Variants in ACAP2 observed in about 807,000 individuals in gnomAD.
ACAP2 encodes the protein ArfGAP with coiled-coil, ankyrin repeat and PH domains 2.
In ACAP2, 39 loss-of-function variants were observed where a neutral mutation model predicts 115.8. The ratio of observed to expected loss-of-function variants is 0.34; its 90% confidence interval spans 0.26 to 0.44. The LOEUF (loss-of-function observed/expected upper bound fraction) is 0.44, where lower values mean the gene tolerates loss of function less well. ACAP2 is among the 20% of genes least tolerant of loss of function. ACAP2 has a pLI of 1.00. For synonymous variants in ACAP2, 289 were observed against 315.8 expected, an observed-to-expected ratio of 0.92 and a Z score of 0.90; for missense variants, 662 against 927.6, an observed-to-expected ratio of 0.71 and a Z score of 3.72.
At chr3:195,279,688 G>C (rs1356123103) in intron 22 of ACAP2, 5 of 270,072 alleles carry the variant, frequency 1.9e-5, no homozygotes, top group Non-Finnish European at 3.4e-5. Context: ...AAAGATGCAA[G>C]TGTTTTAAAG....
In ACAP2 at chr3:195,364,330, T is replaced by A. The variant is rs562121347; in HGVS notation, c.285+16679A>T. Among the ~76,000 whole-genome samples the A allele has an allele frequency of 7.6e-4, 116 of 152,292 alleles. No homozygotes were observed. The South Asian group carries it at 0.012, about 15-fold the overall frequency. ...AAGACATACAAATGGCCAACAGGCA[T>A]ATGAAAAGGCACCCAACATCAATGA... On this transcript the variant is annotated intron_variant, in intron 4 of 22. Transcript: ENST00000326793.
chr3:195,391,298 C>T (rs1734661457), intron 2 of ACAP2, among the ~76,000 whole-genome samples: 1 of 146,358 alleles, frequency 6.8e-6, no homozygotes, highest in South Asian at 2.1e-4. Flanking sequence ...GGCACGATCT[C>T]AGCTCACAGC....
intron 9 of ACAP2, among the ~76,000 whole-genome samples, chr3:195,324,090 A>T (rs953332114): frequency 2.0e-5 from 3 of 152,192 alleles, no homozygotes; most frequent in Non-Finnish European, 2.9e-5. Context: ...AAATAAAAAA[A>T]TTTTTAAAAG....
intron 1 of ACAP2, among the ~76,000 whole-genome samples, chr3:195,423,342 G>A (rs777730550): frequency 6.6e-6 from 1 of 152,132 alleles, no homozygotes; most frequent in Non-Finnish European, 1.5e-5. Flanking sequence ...AAGTATTTCG[G>A]CCGGGCATGG....
At chr3:195,290,344 C>T (rs570164253) in intron 20 of ACAP2, among the ~76,000 whole-genome samples, 2 of 151,996 alleles carry the variant, frequency 1.3e-5, no homozygotes, top group South Asian at 4.2e-4. Context: ...AGTCACCACA[C>T]TCCAACGTGA....
intron 1 of ACAP2, among the ~76,000 whole-genome samples, chr3:195,425,288 A>G (rs1714598436): frequency 6.6e-6 from 1 of 152,178 alleles, no homozygotes; most frequent in African/African-American, 2.4e-5. Flanking sequence ...ACTACATTGT[A>G]AAAGGAAATT....
In ACAP2 at chr3:195,354,435, G is replaced by C. The variant is rs531001176; in HGVS notation, c.286-9118C>G. Among the ~76,000 whole-genome samples, 10 of 152,318 alleles carry C rather than the reference G, an allele frequency of 6.6e-5. No individual in the cohort carries two copies. The South Asian group carries it at 2.1e-3, about 32-fold the overall frequency. ...GATTTGCACTTCTCCAATGATCAGT[G>C]ATGTTGAGCTTTTTTTATATGAGTG... On this transcript the variant is annotated intron_variant, in intron 4 of 22. Transcript: ENST00000326793.
chr3:195,294,750 G>A lies in ACAP2; in HGVS notation c.1734C>T (p.Ser578=). The A allele has an allele frequency of 1.2e-6, 2 of 1,609,366 alleles. No homozygotes were observed. Among genetic ancestry groups the A allele is most frequent in the Non-Finnish European group, 1.7e-6 (2 of 1,176,974 alleles). ...CATATAAACTATTGGCTGACACCGT[G>A]GAGGGTAAAGATTCTCTTCCATCAT... The part of the protein sequence containing the change: ...SSDDGRESLP[S]TVSANSLYEP... Residue 578 remains serine (S), a synonymous_variant, in exon 18 of 23, where the codon TCC becomes TCT. Coordinates refer to ENST00000326793, the MANE Select transcript of ACAP2 (RefSeq NM_012287.6).
intron 1 of ACAP2, among the ~76,000 whole-genome samples, chr3:195,425,428 G>A (rs1714611712): frequency 6.6e-6 from 1 of 152,132 alleles, no homozygotes; most frequent in South Asian, 2.1e-4. Context: ...ACTATTTTAA[G>A]AAAGTACTTA....
intron 1 of ACAP2, among the ~76,000 whole-genome samples, chr3:195,400,029 T>C (rs955643358): frequency 6.6e-6 from 1 of 151,366 alleles, no homozygotes; most frequent in African/African-American, 2.4e-5. Context: ...AAATACAAAA[T>C]TAGCCGGGTA....
intron 4 of ACAP2, among the ~76,000 whole-genome samples, chr3:195,347,874 T>C (rs1731285067): frequency 1.3e-5 from 2 of 152,054 alleles, no homozygotes. Flanking sequence ...GAGCCAAGCA[T>C]GGTGGCACAC....
intron 13 of ACAP2, among the ~76,000 whole-genome samples, chr3:195,303,447 C>A (rs1728203183): frequency 6.7e-6 from 1 of 150,244 alleles, no homozygotes; most frequent in African/African-American, 2.5e-5. Flanking sequence ...ATTAGCTAGG[C>A]ATGGTGGTGC....
intron 1 of ACAP2, among the ~76,000 whole-genome samples, chr3:195,398,396 G>A (rs1471817084): frequency 6.6e-6 from 1 of 152,098 alleles, no homozygotes; most frequent in Non-Finnish European, 1.5e-5. Context: ...TGTAATCCCA[G>A]CACTTTGGGA....
At chr3:195,425,331 T>C (rs1201903224) in intron 1 of ACAP2, among the ~76,000 whole-genome samples, 1 of 152,220 alleles carries the variant, frequency 6.6e-6, no homozygotes, top group East Asian at 1.9e-4. Context: ...ATATTACTTA[T>C]CGTTTTGCAA....
At chr3:195,352,911 A>G (rs1577344728) in intron 4 of ACAP2, among the ~76,000 whole-genome samples, 1 of 151,704 alleles carries the variant, frequency 6.6e-6, no homozygotes, top group Admixed American at 6.6e-5. Flanking sequence ...TGAAACCCCA[A>G]CTCTACTAAA....
intron 14 of ACAP2, 98 bp from the exon 15 acceptor site, chr3:195,301,742 G>T: frequency 1.6e-6 from 2 of 1,229,874 alleles, no homozygotes; most frequent in African/African-American, 1.5e-5. Context: ...TAAAGCCCTC[G>T]GCATACACAT....
At chr3:195,288,685 C>T (rs1178488473) in intron 21 of ACAP2, among the ~76,000 whole-genome samples, 7 of 152,030 alleles carry the variant, frequency 4.6e-5, no homozygotes, top group Non-Finnish European at 8.8e-5. Flanking sequence ...TGGTGAAACC[C>T]CATCTCTACT....
intron 1 of ACAP2, among the ~76,000 whole-genome samples, chr3:195,407,796 G>A (rs1712914377): frequency 6.6e-6 from 1 of 152,076 alleles, no homozygotes; most frequent in African/African-American, 2.4e-5. Context: ...GCTAGCAGGT[G>A]GAAAGAAAGA....
intron 1 of ACAP2, among the ~76,000 whole-genome samples, chr3:195,405,479 G>C (rs1275058255): frequency 6.6e-6 from 1 of 152,178 alleles, no homozygotes; most frequent in African/African-American, 2.4e-5. Context: ...GAGGTCAGGA[G>C]TTCGAGACCA....
Sources: allele counts gnomAD v4.1 joint callset (sites outside exome capture counted in the v4.1 genomes callset), GRCh38; gene constraint gnomAD v4.1.1; transcripts MANE v1.5; gene names NCBI Gene and HGNC (gene_info 2026-07-23, HGNC 2026-07-21).